Variants in NTRK3 observed in about 807,000 individuals in gnomAD.
NTRK3 encodes the protein NT-3 growth factor receptor.
NTRK3 carries 24 observed loss-of-function variants against 91.7 expected under a neutral mutation model. The observed-to-expected ratio is 0.26, with a 90% CI of 0.19 to 0.37. NTRK3 has a LOEUF of 0.37. NTRK3 is among the 10% of genes least tolerant of loss of function. NTRK3 has a pLI of 1.00. For synonymous variants in NTRK3, 483 were observed against 404.0 expected (o/e 1.20, Z -2.34); for missense variants, 880 against 1,068.9 (o/e 0.82, Z 2.46).
At chr15:88,131,699 T>C (rs565136588) in intron 10 of NTRK3, among the ~76,000 whole-genome samples, 70 of 152,370 alleles carry the variant, frequency 4.6e-4, no homozygotes, top group African/African-American at 1.2e-3. Context: ...AATGTTTTGG[T>C]CAAGTCTGTG....
chr15:88,245,070 C>T (rs1179846686), intron 3 of NTRK3, among the ~76,000 whole-genome samples: 3 of 152,214 alleles, frequency 2.0e-5, no homozygotes, highest in Admixed American at 2.0e-4. Flanking sequence ...CTCCCTGTCC[C>T]TGTGGAAGGC....
intron 17 of NTRK3, among the ~76,000 whole-genome samples, chr15:87,911,439 G>A (rs1357122005): frequency 6.6e-6 from 1 of 152,174 alleles, no homozygotes; most frequent in African/African-American, 2.4e-5. Context: ...ACAGGCATCT[G>A]TATAATGTGG....
intron 14 of NTRK3, among the ~76,000 whole-genome samples, chr15:88,009,196 TTGA>T (rs1187284175): frequency 7.9e-5 from 12 of 152,168 alleles, no homozygotes; most frequent in Admixed American, 6.5e-4. Flanking sequence ...GAAGATAATT[TTGA>T]TGATGATGAT....
intron 5 of NTRK3, among the ~76,000 whole-genome samples, chr15:88,168,267 G>C (rs2045175694): frequency 6.6e-6 from 1 of 152,068 alleles, no homozygotes; most frequent in South Asian, 2.1e-4. Context: ...CACTGCTAAG[G>C]GGTCTTCCTA....
intron 13 of NTRK3, among the ~76,000 whole-genome samples, chr15:88,088,702 G>C (rs1324613576): frequency 6.6e-6 from 1 of 152,148 alleles, no homozygotes; most frequent in African/African-American, 2.4e-5. Flanking sequence ...ACCAAATGTG[G>C]ACTGTGAAGT....
intron 13 of NTRK3, chr15:88,098,600 G>A (rs373392975): frequency 1.4e-4 from 32 of 230,570 alleles, no homozygotes; most frequent in Middle Eastern, 1.3e-3. Flanking sequence ...CCCAGATAGC[G>A]GGCCAGCTAT....
intron 17 of NTRK3, among the ~76,000 whole-genome samples, chr15:87,900,697 G>GTGTA (rs2066398903): frequency 1.3e-5 from 2 of 148,750 alleles, no homozygotes; most frequent in African/African-American, 5.1e-5. Flanking sequence ...GAGGGTGTGT[G>GTGTA]TGTGTGTGTG....
chr15:88,082,785 G>A (rs1597200751), intron 13 of NTRK3, among the ~76,000 whole-genome samples: 1 of 152,152 alleles, frequency 6.6e-6, no homozygotes, highest in African/African-American at 2.4e-5. Context: ...GGAAGGAAAC[G>A]GAATCGGGGT....
At chr15:88,152,223 C>G (rs560917626) in intron 5 of NTRK3, among the ~76,000 whole-genome samples, 4 of 152,124 alleles carry the variant, frequency 2.6e-5, no homozygotes, top group Non-Finnish European at 4.4e-5. Flanking sequence ...ATCGCTTGAA[C>G]CCAGGAGGTG....
chr15:87,989,769 G>C (rs544642782), intron 14 of NTRK3, among the ~76,000 whole-genome samples: 4 of 152,086 alleles, frequency 2.6e-5, no homozygotes, highest in South Asian at 2.1e-4. Context: ...ACCACACTTG[G>C]CTAATTTTTG....
chr15:88,214,469 T>A (rs2141471349), intron 3 of NTRK3, among the ~76,000 whole-genome samples: 1 of 152,248 alleles, frequency 6.6e-6, no homozygotes, highest in South Asian at 2.1e-4. Flanking sequence ...CCCCTCTTAA[T>A]GCTATATAAC....
chr15:87,911,404 C>A (rs531212737), intron 17 of NTRK3, among the ~76,000 whole-genome samples: 2 of 152,184 alleles, frequency 1.3e-5, no homozygotes, highest in African/African-American at 4.8e-5. Flanking sequence ...ACTTTGAGAT[C>A]ATCTTCTGAA....
chr15:88,203,008 C>G (rs2048435087), intron 3 of NTRK3, among the ~76,000 whole-genome samples: 1 of 152,182 alleles, frequency 6.6e-6, no homozygotes, highest in Non-Finnish European at 1.5e-5. Context: ...TGCTAGCTGG[C>G]TCCCAGTGGC....
chr15:87,936,620 A>G (rs2069305366), intron 15 of NTRK3, among the ~76,000 whole-genome samples: 1 of 150,490 alleles, frequency 6.6e-6, no homozygotes, highest in Non-Finnish European at 1.5e-5. Context: ...ATTCATTTTT[A>G]TGATATACAC....
chr15:88,245,562 CT>C (rs953838880), intron 3 of NTRK3, among the ~76,000 whole-genome samples: 5 of 152,120 alleles, frequency 3.3e-5, no homozygotes, highest in Admixed American at 2.0e-4. Context: ...GAAGATTAAT[CT>C]GTTAGGGTGT....
chr15:88,099,370 G>C (rs1488406334), intron 13 of NTRK3: 1 of 192,354 alleles, frequency 5.2e-6, no homozygotes, highest in African/African-American at 2.3e-5. Flanking sequence ...TTTGGCTACA[G>C]TACCTGCTAA....
At chr15:88,222,428 T>G (rs1396558856) in intron 3 of NTRK3, among the ~76,000 whole-genome samples, 1 of 152,246 alleles carries the variant, frequency 6.6e-6, no homozygotes, top group Non-Finnish European at 1.5e-5. Flanking sequence ...ATCCACAGTT[T>G]ACGTTCCTAA....
chr15:88,048,935 T>C (rs2080523612), intron 13 of NTRK3, among the ~76,000 whole-genome samples: 1 of 152,156 alleles, frequency 6.6e-6, no homozygotes, highest in African/African-American at 2.4e-5. Context: ...TCTGTGAGGC[T>C]TCAAGTTCCT....
intron 3 of NTRK3, among the ~76,000 whole-genome samples, chr15:88,238,769 C>T (rs1383165484): frequency 2.6e-5 from 4 of 152,190 alleles, no homozygotes; most frequent in South Asian, 4.1e-4. Flanking sequence ...CTCACTATGC[C>T]GTGATTCAGC....
Sources: allele counts gnomAD v4.1 joint callset (sites outside exome capture counted in the v4.1 genomes callset), GRCh38; gene constraint gnomAD v4.1.1; transcripts MANE v1.5; gene names NCBI Gene and HGNC (gene_info 2026-07-23, HGNC 2026-07-21).